The following B3GALT1 variants were observed in gnomAD, a reference collection of about 807,000 sequenced individuals.
The protein encoded by B3GALT1 is beta-1,3-galactosyltransferase 1.
A neutral mutation model predicts 23.2 loss-of-function variants in B3GALT1; 10 were observed. The ratio of observed to expected loss-of-function variants is 0.43; its 90% CI spans 0.27 to 0.73. The LOEUF is 0.73. Among genes scored for constraint, B3GALT1 ranks in the 30% least tolerant of loss-of-function variants. The probability of loss-of-function intolerance (pLI) is 0.21; values close to 1 mark genes in which losing one functional copy is unlikely to be tolerated. For missense variants in B3GALT1, 299 were observed against 405.4 expected, an observed-to-expected ratio of 0.74 and a Z score of 2.25; for synonymous variants, 156 against 141.5, an observed-to-expected ratio of 1.10 and a Z score of -0.73.
chr2:167,750,603 C>T (rs933170085), intron 3 of B3GALT1, among the ~76,000 whole-genome samples: 1 of 152,004 alleles, frequency 6.6e-6, no homozygotes, highest in African/African-American at 2.4e-5. Flanking sequence ...ACCTGGGTAC[C>T]TGGTACTGTC....
At chr2:167,405,838 G>C (rs1292940715) in intron 1 of B3GALT1, among the ~76,000 whole-genome samples, 1 of 152,010 alleles carries the variant, frequency 6.6e-6, no homozygotes, top group Non-Finnish European at 1.5e-5. Context: ...CTATTATCCA[G>C]AGAAGCTCAA....
intron 2 of B3GALT1, among the ~76,000 whole-genome samples, chr2:167,645,847 A>T (rs1475825309): frequency 6.6e-6 from 1 of 152,080 alleles, no homozygotes; most frequent in African/African-American, 2.4e-5. Context: ...CTGGGATCAC[A>T]GGTGTAAGCC....
In B3GALT1 at chr2:167,405,236, A is replaced by G. The variant is rs147019928; in HGVS notation, c.-510-84941A>G. ...ATCTATAAGTATAAAGTAGCTGTCAATCACATCAGGAGCAAATATTTAATT... is the reference window on the plus strand; with the variant it reads ...ATCTATAAGTATAAAGTAGCTGTCAGTCACATCAGGAGCAAATATTTAATT... On this transcript the variant is annotated intron_variant, in intron 1 of 4. Transcript: ENST00000392690. Among the ~76,000 whole-genome samples the G allele has an allele frequency of 3.1e-4, 47 of 152,288 alleles. 2 individuals carry two copies. The East Asian group carries it at 8.5e-3, about 28-fold the overall frequency.
intron 4 of B3GALT1, among the ~76,000 whole-genome samples, chr2:167,835,244 G>A (rs548382009): frequency 6.6e-6 from 1 of 152,308 alleles, no homozygotes; most frequent in East Asian, 1.9e-4. Context: ...CCTCACACAG[G>A]AAGCGCAAGG....
At chr2:167,555,416 G>A (rs1683826684) in intron 2 of B3GALT1, among the ~76,000 whole-genome samples, 2 of 152,084 alleles carry the variant, frequency 1.3e-5, no homozygotes, top group South Asian at 2.1e-4. Context: ...CCACTATCCC[G>A]TGTTACTAGG....
At chr2:167,457,176 T>G (rs1330019152) in intron 1 of B3GALT1, among the ~76,000 whole-genome samples, 1 of 152,076 alleles carries the variant, frequency 6.6e-6, no homozygotes, top group African/African-American at 2.4e-5. Flanking sequence ...AACTTCTTTT[T>G]TATTATTATT....
chr2:167,815,214 G>A (rs1475941128), intron 3 of B3GALT1: 1 of 152,186 alleles, frequency 6.6e-6, no homozygotes, highest in African/African-American at 2.4e-5. Context: ...GAATCTCAGA[G>A]TCCCAAAGCG....
chr2:167,400,283 C>G (rs904054814), intron 1 of B3GALT1, among the ~76,000 whole-genome samples: 3 of 151,396 alleles, frequency 2.0e-5, no homozygotes, highest in African/African-American at 7.3e-5. Flanking sequence ...GACTTGTTTT[C>G]TTCAGTAATG....
At chr2:167,590,186 A>AAC (rs1156510886) in intron 2 of B3GALT1, among the ~76,000 whole-genome samples, 41 of 152,110 alleles carry the variant, frequency 2.7e-4, no homozygotes, top group African/African-American at 9.9e-4. Flanking sequence ...CTCTACTAAA[A>AAC]ATACAAAAAA....
At chr2:167,723,560 A>G (rs1177923282) in intron 3 of B3GALT1, among the ~76,000 whole-genome samples, 1 of 149,762 alleles carries the variant, frequency 6.7e-6, no homozygotes, top group Non-Finnish European at 1.5e-5. Flanking sequence ...ACAAAGTCTC[A>G]CTCTGTTGCC....
chr2:167,370,089 T>C (rs940497928), intron 1 of B3GALT1, among the ~76,000 whole-genome samples: 2 of 152,198 alleles, frequency 1.3e-5, no homozygotes, highest in Non-Finnish European at 2.9e-5. Context: ...GAAGTTACTC[T>C]TATTTTTTTT....
intron 4 of B3GALT1, among the ~76,000 whole-genome samples, chr2:167,841,014 G>T (rs1372074417): frequency 3.2e-5 from 4 of 123,988 alleles, no homozygotes; most frequent in Non-Finnish European, 5.0e-5. Flanking sequence ...ATCATACCCT[G>T]GGGACTGTTG....
chr2:167,371,990 A>G (rs189628422), intron 1 of B3GALT1, among the ~76,000 whole-genome samples: 347 of 151,836 alleles, frequency 2.3e-3, no homozygotes, highest in Middle Eastern at 0.01. Flanking sequence ...GATATGGTTA[A>G]AATTTCAAAA....
intron 1 of B3GALT1, among the ~76,000 whole-genome samples, chr2:167,342,275 C>T (rs1484814077): frequency 6.6e-6 from 1 of 152,100 alleles, no homozygotes; most frequent in Non-Finnish European, 1.5e-5. Context: ...TACTTCCCAA[C>T]ATGAAGTGGA....
rs559688340 is a variant in B3GALT1, at chr2:167,618,974, C to T, written c.-409-27935C>T. ...TTTTTTCTTTCTAGTTAGTAAATAT[C>T]TTATGGGAAAATACTTTGAGACTGT... On this transcript the variant is annotated intron_variant, in intron 2 of 4. Transcript: ENST00000392690. Among the ~76,000 whole-genome samples the T allele has an allele frequency of 4.6e-5, 7 of 150,908 alleles. No homozygotes were observed. In the South Asian group the frequency reaches 1.3e-3, roughly 27 times the overall value.
chr2:167,785,970 C>T (rs138997394), intron 3 of B3GALT1, among the ~76,000 whole-genome samples: 3 of 152,218 alleles, frequency 2.0e-5, no homozygotes, highest in African/African-American at 7.2e-5. Context: ...TTCAAATCAG[C>T]AACAACCATT....
At chr2:167,357,876 T>G (rs1697439483) in intron 1 of B3GALT1, among the ~76,000 whole-genome samples, 1 of 152,238 alleles carries the variant, frequency 6.6e-6, no homozygotes, top group South Asian at 2.1e-4. Context: ...TATAAACATT[T>G]GAATTCAGGA....
intron 1 of B3GALT1, among the ~76,000 whole-genome samples, chr2:167,435,978 C>T (rs1233092185): frequency 1.9e-5 from 2 of 105,166 alleles, no homozygotes; most frequent in African/African-American, 1.2e-4. Flanking sequence ...CACACACACA[C>T]ACACGCACAC....
chr2:167,340,911 C>G (rs1697137288), intron 1 of B3GALT1, among the ~76,000 whole-genome samples: 1 of 151,990 alleles, frequency 6.6e-6, no homozygotes, highest in East Asian at 1.9e-4. Flanking sequence ...TTGAAAATAG[C>G]TATAATATTA....
Sources: allele counts gnomAD v4.1 joint callset (sites outside exome capture counted in the v4.1 genomes callset), GRCh38; gene constraint gnomAD v4.1.1; transcripts MANE v1.5; gene names NCBI Gene and HGNC (gene_info 2026-07-23, HGNC 2026-07-21).